The following TPRG1 variants were observed in gnomAD, a reference collection of about 807,000 sequenced individuals.
The protein encoded by TPRG1 is tumor protein p63-regulated gene 1 protein.
A neutral mutation model predicts 29.3 loss-of-function variants in TPRG1; 29 were observed. The observed-to-expected ratio is 0.99, with a 90% confidence interval of 0.74 to 1.35. The LOEUF (loss-of-function observed/expected upper bound fraction) is 1.35. Ranked by LOEUF, TPRG1 falls within the 40% of genes most tolerant of loss-of-function variation. The pLI, the probability that TPRG1 is intolerant of heterozygous loss-of-function variation, is 0.00. For missense variants in TPRG1, 327 were observed against 335.0 expected (o/e 0.98, Z 0.19); for synonymous variants, 130 against 116.8 (o/e 1.11, Z -0.73).
chr3:189,003,137 A>G (rs972098228), intron 2 of TPRG1, among the ~76,000 whole-genome samples: 4 of 152,156 alleles, frequency 2.6e-5, no homozygotes, highest in Non-Finnish European at 4.4e-5. Flanking sequence ...TTCAGAGACA[A>G]TGATTGTGTT....
intron 1 of TPRG1, among the ~76,000 whole-genome samples, chr3:189,110,139 G>A (rs148298207): frequency 6.6e-6 from 1 of 152,132 alleles, no homozygotes; most frequent in Non-Finnish European, 1.5e-5. Flanking sequence ...ACTACAAGTG[G>A]GATTGCTGCA....
At chr3:189,165,601 G>A (rs1384886560) in intron 5 of TPRG1, among the ~76,000 whole-genome samples, 1 of 151,982 alleles carries the variant, frequency 6.6e-6, no homozygotes, top group African/African-American at 2.4e-5. Context: ...TGTCTTCGGG[G>A]TGAGAGGCTC....
intron 4 of TPRG1, among the ~76,000 whole-genome samples, chr3:189,296,708 G>A (rs2109239152): frequency 6.6e-6 from 1 of 152,336 alleles, no homozygotes; most frequent in East Asian, 1.9e-4. Context: ...CTTGTCAAAA[G>A]AGGAGTGGTT....
rs116239437 is a variant in TPRG1 at position 189,262,344 on chromosome 3, G to A, written c.479+23435G>A. ...GTGGGAGAGGAAGAGAAGAGGGACAGATAGTAAGCCTACCAGTGGAGGATG... is the reference window on the plus strand; with the variant it reads ...GTGGGAGAGGAAGAGAAGAGGGACAAATAGTAAGCCTACCAGTGGAGGATG... On this transcript the variant is annotated intron_variant, in intron 4 of 5. Coordinates refer to ENST00000345063, the MANE Select transcript of TPRG1 (RefSeq NM_198485.4). Among the ~76,000 whole-genome samples, 1,486 of 152,216 alleles carry A rather than the reference G, an allele frequency of 9.8e-3. 15 individuals carry two copies. Among genetic ancestry groups the A allele is most frequent in the Non-Finnish European group, 0.017 (1,175 of 68,010 alleles).
At chr3:189,027,217 A>G (rs1713710050) in intron 4 of TPRG1, among the ~76,000 whole-genome samples, 1 of 152,216 alleles carries the variant, frequency 6.6e-6, no homozygotes. Flanking sequence ...GGTGTCTACT[A>G]CATTTGTACC....
At chr3:189,205,462 C>CTAA (rs1246886872) in intron 1 of TPRG1, among the ~76,000 whole-genome samples, 1 of 152,174 alleles carries the variant, frequency 6.6e-6, no homozygotes, top group Non-Finnish European at 1.5e-5. Context: ...CCAAAATTAG[C>CTAA]TAATAAATTA....
chr3:189,150,091 A>G (rs927076496), intron 4 of TPRG1, among the ~76,000 whole-genome samples: 2 of 152,228 alleles, frequency 1.3e-5, no homozygotes, highest in African/African-American at 4.8e-5. Flanking sequence ...GGGCTGTTCT[A>G]TGTTTTATTA....
intron 4 of TPRG1, among the ~76,000 whole-genome samples, chr3:189,054,597 A>G (rs552535216): frequency 8.5e-5 from 13 of 152,048 alleles, no homozygotes; most frequent in Admixed American, 2.6e-4. Context: ...TAAGACAACA[A>G]TGTCTACACA....
chr3:189,297,874 C>T (rs537338045), intron 4 of TPRG1, among the ~76,000 whole-genome samples: 4 of 152,220 alleles, frequency 2.6e-5, no homozygotes, highest in African/African-American at 9.6e-5. Flanking sequence ...TGGTTGTTCT[C>T]ATTCATGTAT....
intron 4 of TPRG1, among the ~76,000 whole-genome samples, chr3:189,276,517 C>G (rs897160806): frequency 6.6e-6 from 1 of 152,112 alleles, no homozygotes; most frequent in Non-Finnish European, 1.5e-5. Context: ...TTCTTGGGCT[C>G]TGATGTCATG....
At chr3:189,121,882 T>A (rs1438163639) in intron 1 of TPRG1, 1 of 152,144 alleles carries the variant, frequency 6.6e-6, no homozygotes, top group African/African-American at 2.4e-5. Flanking sequence ...AAATTGGACA[T>A]GTTATGTTGA....
rs189930763 is a variant in TPRG1 at position 189,023,192 on chromosome 3, G to A, written c.-659-558G>A. Among the ~76,000 whole-genome samples the A allele has an allele frequency of 3.4e-3, 513 of 152,344 alleles. 2 individuals carry two copies. Among genetic ancestry groups the A allele is most frequent in the Non-Finnish European group, 6.2e-3 (423 of 68,028 alleles). ...AATGCAGAAATCACCCGTCTTCTGC[G>A]TCGCTCACGCTGGGAGCTGCAGACC... is the stretch of plus-strand genomic sequence containing the variant. On this transcript the variant is annotated intron_variant, in intron 3 of 10. Transcript: ENST00000433971.
At chr3:189,188,224 C>G (rs941175974) in intron 1 of TPRG1, among the ~76,000 whole-genome samples, 1 of 152,204 alleles carries the variant, frequency 6.6e-6, no homozygotes, top group Non-Finnish European at 1.5e-5. Context: ...CGAGAGTTAA[C>G]AGACGTGAGT....
chr3:189,197,090 G>T (rs767393581), intron 1 of TPRG1, among the ~76,000 whole-genome samples: 3 of 152,138 alleles, frequency 2.0e-5, no homozygotes, highest in African/African-American at 7.2e-5. Context: ...CTACACACTC[G>T]CCTGGGATGT....
At chr3:189,184,714 C>T (rs766911277) in intron 1 of TPRG1, among the ~76,000 whole-genome samples, 3 of 152,178 alleles carry the variant, frequency 2.0e-5, no homozygotes, top group South Asian at 2.1e-4. Flanking sequence ...ATCAAGGCCA[C>T]GTATCCTGCA....
intron 3 of TPRG1, among the ~76,000 whole-genome samples, chr3:189,023,570 A>T (rs1713493719): frequency 6.6e-6 from 1 of 152,200 alleles, no homozygotes; most frequent in Non-Finnish European, 1.5e-5. Context: ...TTTGGAGGAA[A>T]GGGGGCACTC....
chr3:189,107,629 T>C (rs1253981222), intron 1 of TPRG1, among the ~76,000 whole-genome samples: 1 of 152,180 alleles, frequency 6.6e-6, no homozygotes, highest in Non-Finnish European at 1.5e-5. Context: ...GTAGTGTCTG[T>C]TGTTCATTCA....
At chr3:189,118,214 G>A (rs1179619805) in intron 1 of TPRG1, among the ~76,000 whole-genome samples, 1 of 152,176 alleles carries the variant, frequency 6.6e-6, no homozygotes. Flanking sequence ...TGGATTACAG[G>A]TCACTCTTGC....
At chr3:189,007,325 T>C (rs1393205259) in intron 3 of TPRG1, among the ~76,000 whole-genome samples, 1 of 151,900 alleles carries the variant, frequency 6.6e-6, no homozygotes, top group Non-Finnish European at 1.5e-5. Context: ...ATCAGAGAAA[T>C]GCAAATCAAA....
Sources: gnomAD v4.1 joint callset for allele counts (sites outside exome capture counted in the v4.1 genomes callset) on GRCh38, gnomAD v4.1.1 for gene constraint, MANE v1.5 for transcripts, NCBI Gene and HGNC (gene_info 2026-07-23, HGNC 2026-07-21) for gene names.